Variants in ZNF738 observed in about 807,000 individuals in gnomAD.
ZNF738 encodes the protein protein ZNF738.
ZNF738 carries 10 observed loss-of-function variants against 9.2 expected under a neutral mutation model. That is an observed-to-expected ratio of 1.09 (90% CI 0.67 to 1.85). ZNF738 has a LOEUF of 1.85. ZNF738 is among the 40% of genes most tolerant of loss of function. The probability of loss-of-function intolerance (pLI) is 0.00; values close to 1 mark genes in which losing one functional copy is unlikely to be tolerated. For missense variants in ZNF738, 346 were observed against 283.6 expected (o/e 1.22, Z -1.58); for synonymous variants, 113 against 94.5 (o/e 1.20, Z -1.14).
rs569681399 is a variant in ZNF738, at chr19:21,359,071, C to T, written c.-70C>T. On this transcript the variant is annotated 5_prime_UTR_variant, in exon 1 of 5. Coordinates refer to ENST00000683779, the MANE Select transcript of ZNF738 (RefSeq NM_001355237.2). Reference sequence around the variant, plus strand: ...TGTCCTCTGCTCCTAGAGGCCCAGCCTCTGGTCCTGTGACCTGCAGGTATT... The same window carrying T: ...TGTCCTCTGCTCCTAGAGGCCCAGCTTCTGGTCCTGTGACCTGCAGGTATT... 28 of 920,242 alleles carry T rather than the reference C, an allele frequency of 3.0e-5. No homozygotes were observed. In the African/African-American group the frequency reaches 3.4e-4, roughly 11 times the overall value. The allele number at this position is 920,242 out of a possible 1,614,324, so 57.0% of individuals were successfully genotyped here. A position where few individuals can be genotyped will look rare whatever the true frequency, so the allele number is the denominator to read the frequency against.
At chr19:21,379,462 ATCT>A (rs1186683626) in intron 4 of ZNF738, among the ~76,000 whole-genome samples, 1 of 152,136 alleles carries the variant, frequency 6.6e-6, no homozygotes, top group Admixed American at 6.5e-5. Context: ...GAAATTATTC[ATCT>A]TCTTTGTTAA....
At position 21,383,645 on chromosome 19, in the gene ZNF738, A is replaced by G. The variant is rs752009163; in HGVS notation, c.1099A>G (p.Thr367Ala). 1.2e-5 allele frequency: 12 copies of G among 961,214 alleles called. No individual in the cohort carries two copies. Among genetic ancestry groups the G allele is most frequent in the Admixed American group, 1.2e-4 (7 of 56,666 alleles). 59.5% of individuals were successfully genotyped at this position (961,214 alleles called of 1,614,324 possible). The change falls in exon 5 of 5, where the codon ACT becomes GCT. Residue 367 changes from threonine (T) to alanine (A), a missense_variant. By Grantham distance (58) the Thr-to-Ala change is moderately conservative. Transcript: ENST00000683779. ...SHLTRHKIIH[T>A]GEKPYKCE Reference sequence around the variant, plus strand: ...CCTTACCAGACATAAGATAATTCATACTGGAGAGAAACCCTACAAATGTGA... The same window carrying G: ...CCTTACCAGACATAAGATAATTCATGCTGGAGAGAAACCCTACAAATGTGA...
intron 1 of ZNF738, among the ~76,000 whole-genome samples, chr19:21,359,882 A>C (rs1973659727): frequency 6.6e-6 from 1 of 152,202 alleles, no homozygotes; most frequent in African/African-American, 2.4e-5. Flanking sequence ...TGTCTCAAAA[A>C]AAAAATTAAC....
intron 2 of ZNF738, among the ~76,000 whole-genome samples, chr19:21,366,914 C>T (rs1973789068): frequency 6.6e-6 from 1 of 152,110 alleles, no homozygotes; most frequent in East Asian, 1.9e-4. Context: ...TCTTTGTGAC[C>T]TGTATCTTGT....
At position 21,361,028 on chromosome 19, in the gene ZNF738, G is replaced by A. The variant is rs554918642; in HGVS notation, c.4-738G>A. Among the ~76,000 whole-genome samples the A allele has an allele frequency of 2.1e-4, 32 of 151,706 alleles. No homozygotes were observed. In the South Asian group the frequency reaches 6.7e-3, roughly 32 times the overall value. On this transcript the variant is annotated intron_variant, in intron 1 of 4. Transcript: ENST00000683779. Reference sequence around the variant, plus strand: ...AGGGTTTCTCCATGTTGGTCAGGCTGGTCATGAACTCCCGACCTCAGGTGA... The same window carrying A: ...AGGGTTTCTCCATGTTGGTCAGGCTAGTCATGAACTCCCGACCTCAGGTGA...
In ZNF738 at chr19:21,384,093, T is replaced by C. The variant is rs926655639; in HGVS notation, c.*419T>C. On this transcript the variant is annotated 3_prime_UTR_variant, in exon 5 of 5. Transcript: ENST00000683779. ...AGAGAAACCCTACAAATGTGAAGAA[T>C]GTGGCAAAGCTTTCTACCGATTATC... The C allele has an allele frequency of 2.1e-5, 32 of 1,557,640 alleles. No homozygotes were observed. The African/African-American group carries it at 3.1e-4, about 15-fold the overall frequency.
chr19:21,372,562 C>T (rs1398917738), intron 2 of ZNF738: 1 of 152,112 alleles, frequency 6.6e-6, no homozygotes, highest in African/African-American at 2.4e-5. Flanking sequence ...TGTAGTAAAA[C>T]CAGTGCTTAC....
intron 2 of ZNF738, among the ~76,000 whole-genome samples, chr19:21,364,331 G>A (rs1973746309): frequency 6.6e-6 from 1 of 151,916 alleles, no homozygotes; most frequent in Admixed American, 6.6e-5. Flanking sequence ...AAAGAATGGA[G>A]GAGAATGGCA....
At chr19:21,381,455 A>T in intron 4 of ZNF738, 5 of 1,390,536 alleles carry the variant, frequency 3.6e-6, no homozygotes, top group Non-Finnish European at 5.1e-6. Context: ...CCTGGTTTGG[A>T]CACCAACTTT....
rs1974074964 is a variant in ZNF738, at chr19:21,386,937, C to T, written c.*3263C>T. 6.5e-6 allele frequency: 1 copy of T among 153,054 alleles called. No homozygotes were observed. Among genetic ancestry groups the T allele is most frequent in the African/African-American group, 2.4e-5 (1 of 41,402 alleles). The allele number at this position is 153,054 out of a possible 1,614,324, so 9.5% of individuals were successfully genotyped here. On this transcript the variant is annotated 3_prime_UTR_variant, in exon 5 of 5. Coordinates refer to ENST00000683779, the MANE Select transcript of ZNF738 (RefSeq NM_001355237.2). ...GATCAGGCTGGTCTTGAACTCCTGA[C>T]CTTGTAATCTGCCCACCTCAGCCTC...
At position 21,359,017 on chromosome 19, in the gene ZNF738, G is replaced by T. The variant is rs1030769066; in HGVS notation, c.-124G>T. The T allele has an allele frequency of 5.2e-6, 4 of 769,324 alleles. No individual in the cohort carries two copies. The highest frequency in any genetic ancestry group is 1.7e-5 in the African/African-American group (1 of 58,568). The allele number at this position is 769,324 out of a possible 1,614,324, so 47.7% of individuals were successfully genotyped here. ...GCTTCTTTGTCTTTGGCTGCCGCTG[G>T]AACTCCGGGTCTCGTCTTCACTGCT... On this transcript the variant is annotated 5_prime_UTR_variant, in exon 1 of 5. Transcript: ENST00000683779.
chr19:21,369,641 T>C (rs1973830620), intron 2 of ZNF738, among the ~76,000 whole-genome samples: 1 of 152,152 alleles, frequency 6.6e-6, no homozygotes, highest in Non-Finnish European at 1.5e-5. Flanking sequence ...ACAGAATTCT[T>C]TTCATATTCC....
chr19:21,380,249 C>T (rs1350277149), intron 4 of ZNF738, among the ~76,000 whole-genome samples: 1 of 152,188 alleles, frequency 6.6e-6, no homozygotes, highest in South Asian at 2.1e-4. Flanking sequence ...TTTTAAAATT[C>T]TTCCCACTCA....
At position 21,387,441 on chromosome 19, in the gene ZNF738, G is replaced by A. The variant is rs555664988; in HGVS notation, c.*3767G>A. ...TGACCTCAGGTGATCCGCCCACCTCGGGCCTCCCAAAGTGCTGGGATTACA... is the reference window on the plus strand; with the variant it reads ...TGACCTCAGGTGATCCGCCCACCTCAGGCCTCCCAAAGTGCTGGGATTACA... On this transcript the variant is annotated 3_prime_UTR_variant, in exon 5 of 5. Transcript: ENST00000683779. Among the ~76,000 whole-genome samples, 37 of 149,662 alleles carry A rather than the reference G, an allele frequency of 2.5e-4. No homozygotes were observed. In the East Asian group the frequency reaches 6.3e-3, roughly 26 times the overall value.
rs1235073725 is a variant in ZNF738, at chr19:21,384,186, G to A, written c.*512G>A. ...CTACAAATGTGAGGAATGTGGCAAA[G>A]CTTTTAACTGGTACTCACGCCTTAC... On this transcript the variant is annotated 3_prime_UTR_variant, in exon 5 of 5. Coordinates refer to ENST00000683779, the MANE Select transcript of ZNF738 (RefSeq NM_001355237.2). 2 of 1,417,854 alleles carry A rather than the reference G, an allele frequency of 1.4e-6. No homozygotes were observed. The highest frequency in any genetic ancestry group is 1.1e-5 in the South Asian group (1 of 87,038). The allele number at this position is 1,417,854 out of a possible 1,614,324, so 87.8% of individuals were successfully genotyped here. A position where few individuals can be genotyped will look rare whatever the true frequency, so the allele number is the denominator to read the frequency against.
chr19:21,383,330 C>G lies in ZNF738; in HGVS notation c.784C>G (p.His262Asp). 1.4e-6 allele frequency: 2 copies of G among 1,393,656 alleles called. No homozygotes were observed. Among genetic ancestry groups the G allele is most frequent in the East Asian group, 4.7e-5 (2 of 42,936 alleles). 86.3% of individuals were successfully genotyped at this position (1,393,656 alleles called of 1,614,324 possible). The change falls in exon 5 of 5, where the codon CAT (histidine) becomes GAT (aspartate). Residue 262 changes from histidine to aspartate, a missense_variant. His to Asp is a moderately conservative substitution (Grantham distance 81). Coordinates refer to ENST00000683779, the MANE Select transcript of ZNF738 (RefSeq NM_001355237.2). ...TCATACTGGAGACAAATCCTACAAA[C>G]ATGAAGAATGTGGAAAAGGTTTTAA... ...RIHTGDKSYK[H>D]EECGKGFNHS...
chr19:21,379,900 T>A (rs1194954040), intron 4 of ZNF738, among the ~76,000 whole-genome samples: 1 of 152,182 alleles, frequency 6.6e-6, no homozygotes, highest in Non-Finnish European at 1.5e-5. Context: ...GGAACTCAAC[T>A]ACTTGAATTC....
At chr19:21,364,748 T>G (rs970276491) in intron 2 of ZNF738, among the ~76,000 whole-genome samples, 1 of 137,208 alleles carries the variant, frequency 7.3e-6, no homozygotes, top group African/African-American at 2.9e-5. Context: ...CTTTCTTTTT[T>G]TTTTTTTTTT....
intron 2 of ZNF738, among the ~76,000 whole-genome samples, chr19:21,367,357 C>CA (rs1332634159): frequency 1.3e-5 from 2 of 152,184 alleles, no homozygotes; most frequent in African/African-American, 4.8e-5. Flanking sequence ...CAGGAGTCCC[C>CA]AGTTTTTAAA....
Sources: allele counts gnomAD v4.1 joint callset (sites outside exome capture counted in the v4.1 genomes callset), GRCh38; gene constraint gnomAD v4.1.1; transcripts MANE v1.5; gene names NCBI Gene and HGNC (gene_info 2026-07-23, HGNC 2026-07-21).